Variants in SPATC1L observed in about 807,000 individuals in gnomAD.
The protein encoded by SPATC1L is spermatogenesis and centriole associated 1 like, also known as speriolin-like protein.
SPATC1L carries 20 observed loss-of-function variants against 21.2 expected under a neutral mutation model. The ratio of observed to expected loss-of-function variants is 0.94; its 90% CI spans 0.66 to 1.37. The LOEUF (loss-of-function observed/expected upper bound fraction) is 1.37, where lower values mean the gene tolerates loss of function less well. Ranked by LOEUF, SPATC1L falls within the 40% of genes most tolerant of loss-of-function variation. SPATC1L has a pLI of 0.00. For synonymous variants in SPATC1L, 290 were observed against 234.5 expected (o/e 1.24, Z -2.16); for missense variants, 499 against 478.7 (o/e 1.04, Z -0.40).
intron 2 of SPATC1L, among the ~76,000 whole-genome samples, chr21:46,172,258 G>T (rs1023978449): frequency 6.6e-6 from 1 of 151,936 alleles, no homozygotes; most frequent in Non-Finnish European, 1.5e-5. Flanking sequence ...AGCACAAGAT[G>T]GGGGTGGAGA....
intron 2 of SPATC1L, among the ~76,000 whole-genome samples, chr21:46,171,261 A>C (rs1253616207): frequency 6.6e-6 from 1 of 152,080 alleles, no homozygotes; most frequent in African/African-American, 2.4e-5. Flanking sequence ...ATTCTATTCT[A>C]CCTCCATGTC....
At chr21:46,167,017 T>C (rs1400920477) in intron 3 of SPATC1L, among the ~76,000 whole-genome samples, 4 of 152,338 alleles carry the variant, frequency 2.6e-5, no homozygotes, top group East Asian at 3.8e-4. Context: ...ATAGACCATA[T>C]GCTAGGCTGC....
chr21:46,178,269 C>T (rs946153169), intron 2 of SPATC1L, among the ~76,000 whole-genome samples: 2 of 143,974 alleles, frequency 1.4e-5, no homozygotes, highest in African/African-American at 5.1e-5. Context: ...AGAATGAGAT[C>T]ATATCCTTTG....
chr21:46,181,130 C>T (rs999636388), intron 2 of SPATC1L, among the ~76,000 whole-genome samples: 1 of 152,202 alleles, frequency 6.6e-6, no homozygotes, highest in Non-Finnish European at 1.5e-5. Context: ...ACGCAGCCTG[C>T]GGCGGTCCAC....
rs1055610739 is a variant in SPATC1L at position 46,161,327 on chromosome 21, C to T, written c.*52G>A. The T allele has an allele frequency of 1.4e-5, 20 of 1,441,534 alleles. No homozygotes were observed. Among genetic ancestry groups the T allele is most frequent in the African/African-American group, 8.7e-5 (6 of 68,806 alleles). The allele number at this position is 1,441,534 out of a possible 1,614,324, so 89.3% of individuals were successfully genotyped here. On this transcript the variant is annotated 3_prime_UTR_variant, in exon 5 of 5. Coordinates refer to ENST00000291672, the MANE Select transcript of SPATC1L (RefSeq NM_001142854.2). Reference sequence around the variant, plus strand: ...GGACGCGCAGGAGGCACCGCGGCCCCGGGTTGGAACAAACGCGTTTACTGC... The same window carrying T: ...GGACGCGCAGGAGGCACCGCGGCCCTGGGTTGGAACAAACGCGTTTACTGC...
chr21:46,170,251 C>T (rs56350354), intron 2 of SPATC1L, among the ~76,000 whole-genome samples: 8,991 of 69,242 alleles, frequency 0.13, 18 homozygotes, highest in East Asian at 0.22. Context: ...GAGCCCCCTG[C>T]TCTGTGAGCA....
intron 2 of SPATC1L, among the ~76,000 whole-genome samples, chr21:46,173,687 A>G (rs1465696724): frequency 1.3e-5 from 2 of 151,966 alleles, no homozygotes; most frequent in Non-Finnish European, 2.9e-5. Flanking sequence ...GCCAACCAGC[A>G]CCCCACCCAT....
chr21:46,168,251 C>T (rs1045078744), intron 3 of SPATC1L, 57 bp downstream of exon 3: 5 of 1,287,264 alleles, frequency 3.9e-6, no homozygotes, highest in African/African-American at 1.5e-5. Context: ...CATGCCCTCC[C>T]CACAGCTGCC....
In SPATC1L at chr21:46,178,342, A is replaced by G. The variant is rs551453559; in HGVS notation, c.193+4282T>C. ...CAAACTAATGCAGGAACAGAAAACC[A>G]AATGCCACATGCTCTTACTTATAAG... On this transcript the variant is annotated intron_variant, in intron 2 of 4. Transcript: ENST00000291672. 7.2e-5 allele frequency among the ~76,000 whole-genome samples: 11 copies of G among 152,274 alleles called. No homozygotes were observed. In the South Asian group the frequency reaches 1.9e-3, roughly 26 times the overall value.
rs1206549354 is a variant in SPATC1L at position 46,161,708 on chromosome 21, G to A, written c.697-3C>T. ...CCGTCCAGAGACTTGGTGGAGGTCT[G>A]CGGGCGCAGCGCATGGATGGGGGTG... On this transcript the variant is annotated splice_polypyrimidine_tract_variant and splice_region_variant and intron_variant, in intron 4 of 4. Coordinates refer to ENST00000291672, the MANE Select transcript of SPATC1L (RefSeq NM_001142854.2). 1.3e-6 allele frequency: 2 copies of A among 1,582,842 alleles called. No homozygotes were observed. The highest frequency in any genetic ancestry group is 1.3e-5 in the African/African-American group (1 of 74,490).
intron 2 of SPATC1L, among the ~76,000 whole-genome samples, chr21:46,181,412 C>A (rs1022397451): frequency 1.3e-5 from 2 of 152,204 alleles, no homozygotes; most frequent in African/African-American, 4.8e-5. Flanking sequence ...GGAGCCCCTG[C>A]CTGTCACCAG....
At chr21:46,175,837 C>T (rs532640785) in intron 2 of SPATC1L, among the ~76,000 whole-genome samples, 2 of 152,068 alleles carry the variant, frequency 1.3e-5, no homozygotes, top group South Asian at 2.1e-4. Context: ...TAACAAAACC[C>T]GGCAGAGATG....
intron 3 of SPATC1L, among the ~76,000 whole-genome samples, chr21:46,165,312 G>A (rs1490261280): frequency 1.7e-4 from 26 of 152,196 alleles, no homozygotes; most frequent in Admixed American, 1.7e-3. Flanking sequence ...TGGTCCCTGA[G>A]TAAAGAATCT....
chr21:46,171,873 G>A (rs1170807629), intron 2 of SPATC1L, among the ~76,000 whole-genome samples: 2 of 130,546 alleles, frequency 1.5e-5, no homozygotes, highest in Non-Finnish European at 3.1e-5. Context: ...CAGGTTAAAA[G>A]ATGCTCAATT....
intron 2 of SPATC1L, among the ~76,000 whole-genome samples, chr21:46,180,458 G>A (rs1054060365): frequency 3.3e-5 from 5 of 152,238 alleles, no homozygotes; most frequent in African/African-American, 1.2e-4. Flanking sequence ...AGTTTACCAT[G>A]AGCACGTGTT....
chr21:46,176,499 G>C (rs1463499177), intron 2 of SPATC1L, among the ~76,000 whole-genome samples: 5 of 152,014 alleles, frequency 3.3e-5, no homozygotes, highest in African/African-American at 1.2e-4. Context: ...ATCAAGACAA[G>C]AGCCAAATCA....
intron 4 of SPATC1L, 36 bp from the exon 5 acceptor site, chr21:46,161,741 C>G (rs3827274): frequency 2.9e-5 from 44 of 1,511,736 alleles, no homozygotes; most frequent in Admixed American, 5.8e-5. Context: ...GTGGGGGGCT[C>G]GGGGCCCTCG....
Position 46,161,382 on chromosome 21 carries a change from C to T in SPATC1L, c.1020G>A (p.Trp340Ter), listed in dbSNP as rs2123610777. The T allele has an allele frequency of 1.3e-6, 2 of 1,511,770 alleles. No homozygotes were observed. The highest frequency in any genetic ancestry group is 8.8e-7 in the Non-Finnish European group (1 of 1,133,966). The allele number at this position is 1,511,770 out of a possible 1,614,324, so 93.6% of individuals were successfully genotyped here. The change falls in exon 5 of 5, where the codon TGG becomes TGA. Residue 340 changes from tryptophan to a stop codon, truncating the protein, a stop_gained. Coordinates refer to ENST00000291672, the MANE Select transcript of SPATC1L (RefSeq NM_001142854.2). LOFTEE classifies it high-confidence loss of function. ...SKEDGKPLFA[W>*] ...AAGGCGGCGGGCGCGGGGCGGCTCACCAGGCGAAGAGGGGCTTGCCGTCCT... is the reference window on the plus strand; with the variant it reads ...AAGGCGGCGGGCGCGGGGCGGCTCATCAGGCGAAGAGGGGCTTGCCGTCCT...
At chr21:46,177,900 G>T (rs1014953561) in intron 2 of SPATC1L, among the ~76,000 whole-genome samples, 2 of 152,186 alleles carry the variant, frequency 1.3e-5, no homozygotes, top group Admixed American at 1.3e-4. Context: ...TAAAGAAAAT[G>T]TTGTACATAG....
Sources: allele counts gnomAD v4.1 joint callset (sites outside exome capture counted in the v4.1 genomes callset), GRCh38; gene constraint gnomAD v4.1.1; transcripts MANE v1.5; gene names NCBI Gene and HGNC (gene_info 2026-07-23, HGNC 2026-07-21).